DNAH17: variants seen among roughly 807,000 people sequenced by gnomAD.
DNAH17 encodes dynein axonemal heavy chain 17.
A neutral mutation model predicts 485.6 loss-of-function variants in DNAH17; 376 were observed. The observed-to-expected ratio is 0.77, with a 90% CI of 0.71 to 0.84. The LOEUF (loss-of-function observed/expected upper bound fraction) is 0.84, where lower values mean the gene tolerates loss of function less well. DNAH17 is among the 40% of genes least tolerant of loss of function. The pLI is 0.00. For missense variants in DNAH17, 6,370 were observed against 5,839.3 expected (o/e 1.09, Z -2.96); for synonymous variants, 3,031 against 2,405.9 (o/e 1.26, Z -7.60).
chr17:78,514,621 C>T (rs2090730492), intron 26 of DNAH17, among the ~76,000 whole-genome samples, 153 bp downstream of exon 26: 1 of 150,490 alleles, frequency 6.6e-6, no homozygotes, highest in Admixed American at 6.6e-5. Context: ...AGTGTGACTG[C>T]GCAGGTCACT....
At chr17:78,438,348 C>T (rs1008184204) in intron 73 of DNAH17, among the ~76,000 whole-genome samples, 5 of 130,006 alleles carry the variant, frequency 3.8e-5, no homozygotes, top group South Asian at 5.8e-4. Context: ...GAGGGGTGGT[C>T]GTGCTAGCGT....
At chr17:78,498,929 A>ACAGGAGGG (rs1458263449) in intron 37 of DNAH17, 79 bp downstream of exon 37, 1 of 1,120,492 alleles carries the variant, frequency 8.9e-7, no homozygotes, top group East Asian at 2.7e-5. Flanking sequence ...AGGAGGGTCT[A>ACAGGAGGG]TCTGGCGTGT....
In DNAH17 at chr17:78,562,802, C is replaced by T. The variant is rs557941861; in HGVS notation, c.1570-822G>A. On this transcript the variant is annotated intron_variant, in intron 11 of 80. Coordinates refer to ENST00000389840, the MANE Select transcript of DNAH17 (RefSeq NM_173628.4). Reference sequence around the variant, plus strand: ...AGGGCAGCTGAGGCAAGAAAACCACCATCAGGAAATGTGTTTCGCTCTGAG... The same window carrying T: ...AGGGCAGCTGAGGCAAGAAAACCACTATCAGGAAATGTGTTTCGCTCTGAG... Among the ~76,000 whole-genome samples, 189 of 152,322 alleles carry T rather than the reference C, an allele frequency of 1.2e-3. 1 individual carries two copies. Among genetic ancestry groups the T allele is most frequent in the African/African-American group, 4.4e-3 (182 of 41,576 alleles).
In DNAH17 at chr17:78,429,195, T is replaced by C. The variant is rs764388781; in HGVS notation, c.12331A>G (p.Ile4111Val). 1 of 1,613,804 alleles carries C rather than the reference T, an allele frequency of 6.2e-7. No homozygotes were observed. The highest frequency in any genetic ancestry group is 1.7e-5 in the Admixed American group (1 of 60,012). ...TCTCCCTCCAGCATCTCCGTCCGGA[T>C]GTATTCAGCCAGGTAGGTCCTGCAC... Reference protein sequence around the residue: ...RLCRTYLAEYIRTEMLEGDVL... With the variant: ...RLCRTYLAEYVRTEMLEGDVL... Residue 4111 changes from isoleucine (I) to valine (V), a missense_variant, in exon 76 of 81, where the codon ATC becomes GTC. Ile to Val is a conservative substitution (Grantham distance 29). Coordinates refer to ENST00000389840, the MANE Select transcript of DNAH17 (RefSeq NM_173628.4).
At chr17:78,528,950 ATT>A (rs56009624) in intron 22 of DNAH17, among the ~76,000 whole-genome samples, 4 of 140,566 alleles carry the variant, frequency 2.8e-5, no homozygotes, top group Admixed American at 7.1e-5. Flanking sequence ...GGCATTTTGT[ATT>A]TTTTTTTTTT....
At chr17:78,571,448 G>A in intron 4 of DNAH17, 70 bp from the exon 5 acceptor site, 1 of 1,476,114 alleles carries the variant, frequency 6.8e-7, no homozygotes, top group Non-Finnish European at 9.4e-7. Context: ...ACCTGACCTT[G>A]TGGCTGGCTG....
intron 72 of DNAH17, among the ~76,000 whole-genome samples, 160 bp downstream of exon 72, chr17:78,440,891 G>A (rs543086964): frequency 1.5e-4 from 23 of 152,318 alleles, no homozygotes; most frequent in South Asian, 4.1e-4. Flanking sequence ...CTCACAACTC[G>A]TGTTATTTTC....
chr17:78,543,107 G>A (rs1286395342), intron 17 of DNAH17, among the ~76,000 whole-genome samples: 1 of 118,332 alleles, frequency 8.5e-6, no homozygotes, highest in East Asian at 3.1e-4. Context: ...TTGGATTAAA[G>A]ATCATAGGTT....
intron 26 of DNAH17, among the ~76,000 whole-genome samples, chr17:78,510,912 C>G (rs894974): frequency 0.71 from 108,247 of 152,104 alleles, 39,203 homozygotes; most frequent in African/African-American, 0.85. Flanking sequence ...AGGAGAGGGA[C>G]ATCTGAGGCA....
chr17:78,426,758 C>A (rs765323359), intron 78 of DNAH17, 158 bp from the exon 79 acceptor site: 8 of 1,282,594 alleles, frequency 6.2e-6, no homozygotes, highest in Admixed American at 2.4e-5. Flanking sequence ...TGCTAAGGAA[C>A]GGTCTAGATG....
chr17:78,427,216 G>T (rs887701285), intron 77 of DNAH17, 108 bp from the exon 78 acceptor site: 5 of 1,149,778 alleles, frequency 4.3e-6, no homozygotes, highest in Non-Finnish European at 6.2e-6. Context: ...TCCTGGAGAG[G>T]AGGGAAGAGG....
intron 48 of DNAH17, 118 bp downstream of exon 48, chr17:78,484,750 C>A (rs1273908628): frequency 2.7e-6 from 1 of 371,316 alleles, no homozygotes; most frequent in Non-Finnish European, 3.9e-6. Context: ...CCCCCCCCAC[C>A]GCCCCACACC....
intron 22 of DNAH17, 55 bp from the exon 23 acceptor site, chr17:78,527,051 T>C (rs1021521175): frequency 2.1e-6 from 3 of 1,415,052 alleles, no homozygotes; most frequent in Non-Finnish European, 2.9e-6. Context: ...TCTTAAACCT[T>C]CTATTGTGAA....
chr17:78,494,005 C>A (rs771121844), intron 41 of DNAH17, 31 bp downstream of exon 41: 2 of 1,598,516 alleles, frequency 1.3e-6, no homozygotes, highest in Admixed American at 3.4e-5. Flanking sequence ...CATGCCGGAT[C>A]CCTGCAAGGT....
chr17:78,426,468 G>T lies in DNAH17; in HGVS notation c.12904C>A (p.Leu4302Ile). 6.2e-7 allele frequency: 1 copy of T among 1,604,158 alleles called. No homozygotes were observed. The highest frequency in any genetic ancestry group is 8.5e-7 in the Non-Finnish European group (1 of 1,175,958). The change falls in exon 79 of 81, where the codon CTC becomes ATC. Residue 4302 changes from leucine to isoleucine, a missense_variant. By Grantham distance (5) the Leu-to-Ile change is conservative. Transcript: ENST00000389840. Reference protein sequence around the residue: ...GLAAWYADLLLRIRELEAWTT... With the variant: ...GLAAWYADLLIRIRELEAWTT... ...AAAACGGCACTTACCCTGATGCGGA[G>T]CAGCAGGTCTGCGTACCAGGCCGCC...
At chr17:78,463,197 T>G in intron 56 of DNAH17, 120 bp from the exon 57 acceptor site, 1 of 827,716 alleles carries the variant, frequency 1.2e-6, no homozygotes, top group South Asian at 1.7e-5. Context: ...TCAACCTCAG[T>G]GTCTTCAACT....
chr17:78,472,476 G>A (rs565923972), intron 54 of DNAH17, among the ~76,000 whole-genome samples: 7 of 152,236 alleles, frequency 4.6e-5, no homozygotes, highest in African/African-American at 1.7e-4. Context: ...GGAAGCTGGC[G>A]GGGAGGCGGG....
intron 71 of DNAH17, among the ~76,000 whole-genome samples, 192 bp from the exon 72 acceptor site, chr17:78,441,391 G>A (rs760208336): frequency 6.6e-5 from 10 of 152,042 alleles, no homozygotes; most frequent in Non-Finnish European, 1.3e-4. Flanking sequence ...TGTTTGCCTC[G>A]GGCACCCTTT....
chr17:78,570,132 C>A, intron 7 of DNAH17, 115 bp downstream of exon 7: 2 of 1,236,732 alleles, frequency 1.6e-6, no homozygotes, highest in Non-Finnish European at 2.2e-6. Context: ...CTTGTGCTGA[C>A]ATCTTGGCCT....
Sources: gnomAD v4.1 joint callset for allele counts (sites outside exome capture counted in the v4.1 genomes callset) on GRCh38, gnomAD v4.1.1 for gene constraint, MANE v1.5 for transcripts, NCBI Gene and HGNC (gene_info 2026-07-23, HGNC 2026-07-21) for gene names.